HIBADH: variants seen among roughly 807,000 people sequenced by gnomAD.
HIBADH encodes the protein 3-hydroxyisobutyrate dehydrogenase, mitochondrial.
A neutral mutation model predicts 36.1 loss-of-function variants in HIBADH; 25 were observed. The observed-to-expected ratio is 0.69, with a 90% confidence interval of 0.50 to 0.97. The LOEUF (loss-of-function observed/expected upper bound fraction) is 0.97, where lower values mean the gene tolerates loss of function less well. HIBADH is among the 50% of genes least tolerant of loss of function. HIBADH has a pLI of 0.00. For missense variants in HIBADH, 421 were observed against 418.0 expected (o/e 1.01, Z -0.06); for synonymous variants, 160 against 149.5 (o/e 1.07, Z -0.51).
At chr7:27,537,532 G>T (rs1200555183) in intron 6 of HIBADH, among the ~76,000 whole-genome samples, 1 of 152,036 alleles carries the variant, frequency 6.6e-6, no homozygotes, top group Non-Finnish European at 1.5e-5. Flanking sequence ...ACTGAGTAAA[G>T]CATCCTGCTC....
chr7:27,613,656 G>GTTTTT (rs769054200), intron 4 of HIBADH, among the ~76,000 whole-genome samples: 4 of 60,186 alleles, frequency 6.6e-5, no homozygotes, highest in African/African-American at 3.9e-4. Context: ...GTTGTTGTGG[G>GTTTTT]TTTTTTTTGT....
At chr7:27,577,617 G>A (rs1348513643) in intron 4 of HIBADH, among the ~76,000 whole-genome samples, 1 of 152,032 alleles carries the variant, frequency 6.6e-6, no homozygotes, top group Non-Finnish European at 1.5e-5. Flanking sequence ...ATGAAAACAA[G>A]GTTTCAGAAA....
intron 2 of HIBADH, among the ~76,000 whole-genome samples, chr7:27,633,134 C>G (rs1785777942): frequency 6.6e-6 from 1 of 152,046 alleles, no homozygotes; most frequent in Non-Finnish European, 1.5e-5. Context: ...CTCTCTCAAC[C>G]CTCATTTCTG....
chr7:27,662,219 A>ATAT (rs1786437005), intron 1 of HIBADH, among the ~76,000 whole-genome samples: 1 of 152,160 alleles, frequency 6.6e-6, no homozygotes, highest in Non-Finnish European at 1.5e-5. Context: ...TTGTGTAATA[A>ATAT]GGCCATCCCC....
chr7:27,526,259 GTCTT>G lies in HIBADH; in HGVS notation c.962_965del (p.Lys321ThrfsTer36). 1 of 1,613,122 alleles carries G rather than the reference GTCTT, an allele frequency of 6.2e-7. No homozygotes were observed. The highest frequency in any genetic ancestry group is 8.5e-7 in the Non-Finnish European group (1 of 1,179,630). ...GTAGGAACTGGAACACGGATGAGAA[GTCTT>G]TCTTTGAGTAGCCCTTTGCACACAT... On this transcript the variant is annotated frameshift_variant, in exon 8 of 8. Coordinates refer to ENST00000265395, the MANE Select transcript of HIBADH (RefSeq NM_152740.4). LOFTEE classifies it high-confidence loss of function.
chr7:27,598,697 T>A (rs1785071615), intron 4 of HIBADH, among the ~76,000 whole-genome samples: 1 of 151,840 alleles, frequency 6.6e-6, no homozygotes, highest in African/African-American at 2.4e-5. Flanking sequence ...GATAAAGGTC[T>A]CCAAACACTT....
chr7:27,574,507 T>TAGAG (rs140699451), intron 4 of HIBADH, among the ~76,000 whole-genome samples: 16,959 of 145,722 alleles, frequency 0.12, 1,078 homozygotes, highest in Middle Eastern at 0.14. Context: ...CAGGTAACTC[T>TAGAG]TTACCTTTTT....
intron 4 of HIBADH, among the ~76,000 whole-genome samples, chr7:27,600,221 G>A (rs906880911): frequency 5.3e-5 from 8 of 151,618 alleles, no homozygotes; most frequent in African/African-American, 1.9e-4. Context: ...TAAAGTTACA[G>A]CCTCTATCTT....
In HIBADH at chr7:27,554,671, C is replaced by G. The variant is rs575941765; in HGVS notation, c.485-11571G>C. Among the ~76,000 whole-genome samples, 3 of 152,214 alleles carry G rather than the reference C, an allele frequency of 2.0e-5. No homozygotes were observed. In the East Asian group the frequency reaches 5.8e-4, roughly 29 times the overall value. The stretch of plus-strand genomic sequence containing the variant: ...GAGGGTAGGTATACAGAAGTAATGG[C>G]TGTCAGAGGAGAGAGGGAAGAGAGT... On this transcript the variant is annotated intron_variant, in intron 4 of 7. Transcript: ENST00000265395.
chr7:27,551,399 A>G (rs1784318225), intron 4 of HIBADH, among the ~76,000 whole-genome samples: 1 of 152,242 alleles, frequency 6.6e-6, no homozygotes, highest in South Asian at 2.1e-4. Context: ...TTGACACTCA[A>G]ATGAAACAAT....
intron 4 of HIBADH, among the ~76,000 whole-genome samples, chr7:27,574,572 A>G (rs1016021510): frequency 2.0e-5 from 3 of 152,162 alleles, no homozygotes; most frequent in Non-Finnish European, 4.4e-5. Context: ...AAGTACATAG[A>G]TAGGTTCAGA....
chr7:27,567,169 T>C (rs1175584526), intron 4 of HIBADH, among the ~76,000 whole-genome samples: 1 of 152,166 alleles, frequency 6.6e-6, no homozygotes, highest in Non-Finnish European at 1.5e-5. Flanking sequence ...CATTTCTCCT[T>C]TTCATTCTGC....
chr7:27,542,578 A>G (rs1454270580), intron 5 of HIBADH, among the ~76,000 whole-genome samples: 1 of 150,798 alleles, frequency 6.6e-6, no homozygotes, highest in East Asian at 2.0e-4. Context: ...CAGCCTCCTA[A>G]GTAGCTGTGA....
chr7:27,601,344 A>G (rs1353223408), intron 4 of HIBADH, among the ~76,000 whole-genome samples: 2 of 152,130 alleles, frequency 1.3e-5, no homozygotes, highest in African/African-American at 2.4e-5. Flanking sequence ...AGTTACCAAT[A>G]TAATTCTTTC....
At chr7:27,566,594 TTTTA>T (rs1324475303) in intron 4 of HIBADH, among the ~76,000 whole-genome samples, 1 of 152,098 alleles carries the variant, frequency 6.6e-6, no homozygotes, top group Non-Finnish European at 1.5e-5. Flanking sequence ...TTTGCTTTGG[TTTTA>T]TTTTACTTTT....
intron 4 of HIBADH, among the ~76,000 whole-genome samples, chr7:27,596,933 AAAGT>A (rs1463068434): frequency 6.6e-6 from 1 of 152,224 alleles, no homozygotes; most frequent in Non-Finnish European, 1.5e-5. Context: ...AAATTTTAAA[AAAGT>A]AATTTGCAAA....
intron 6 of HIBADH, among the ~76,000 whole-genome samples, chr7:27,535,755 C>CTT (rs201314026): frequency 1.0e-3 from 149 of 145,456 alleles, no homozygotes; most frequent in African/African-American, 3.5e-3. Context: ...TTACTCTTTA[C>CTT]TTTTTTTTTT....
intron 1 of HIBADH, among the ~76,000 whole-genome samples, chr7:27,654,400 T>A (rs1341204579): frequency 6.6e-6 from 1 of 151,630 alleles, no homozygotes; most frequent in Non-Finnish European, 1.5e-5. Flanking sequence ...TGAACCCCAA[T>A]ACAAGAAACA....
intron 4 of HIBADH, among the ~76,000 whole-genome samples, chr7:27,557,794 A>G (rs1170891408): frequency 1.3e-5 from 2 of 152,236 alleles, no homozygotes; most frequent in Admixed American, 6.5e-5. Context: ...ATATCTTTAC[A>G]TTGGCCAGTA....
Sources: allele counts gnomAD v4.1 joint callset (sites outside exome capture counted in the v4.1 genomes callset), GRCh38; gene constraint gnomAD v4.1.1; transcripts MANE v1.5; gene names NCBI Gene and HGNC (gene_info 2026-07-23, HGNC 2026-07-21).